Variants in AGBL4 observed in about 807,000 individuals in gnomAD.
AGBL4 encodes the protein cytosolic carboxypeptidase 6.
Under a neutral mutation model 66.4 loss-of-function variants are expected in AGBL4, and 58 were observed. The observed-to-expected ratio is 0.87, with a 90% CI of 0.71 to 1.09. AGBL4 has a LOEUF of 1.09. Among genes scored for constraint, AGBL4 ranks in the 50% least tolerant of loss-of-function variants. AGBL4 has a pLI of 0.00. For missense variants in AGBL4, 579 were observed against 631.0 expected (o/e 0.92, Z 0.88); for synonymous variants, 234 against 222.9 (o/e 1.05, Z -0.44).
chr1:49,979,093 T>G (rs745800862), intron 1 of AGBL4, among the ~76,000 whole-genome samples: 3 of 152,236 alleles, frequency 2.0e-5, no homozygotes, highest in Admixed American at 6.5e-5. Context: ...AAAATATAGG[T>G]AGATACAAGT....
chr1:50,011,331 T>C (rs1298052067), intron 1 of AGBL4, among the ~76,000 whole-genome samples: 1 of 152,124 alleles, frequency 6.6e-6, no homozygotes, highest in Non-Finnish European at 1.5e-5. Context: ...AAAACTACAA[T>C]GATATATCAT....
chr1:49,294,303 G>T (rs1488412850), intron 3 of AGBL4, among the ~76,000 whole-genome samples: 1 of 152,134 alleles, frequency 6.6e-6, no homozygotes, highest in Non-Finnish European at 1.5e-5. Context: ...AAATCCACAT[G>T]GATCCCTCTG....
At chr1:49,204,886 C>T (rs994127519) in intron 4 of AGBL4, among the ~76,000 whole-genome samples, 4 of 152,048 alleles carry the variant, frequency 2.6e-5, no homozygotes, top group Non-Finnish European at 5.9e-5. Context: ...TATATCTGTA[C>T]AGCTTTTCTA....
chr1:49,902,467 G>A lies in AGBL4; in HGVS notation c.35-50949C>T, dbSNP rs572175590. On this transcript the variant is annotated intron_variant, in intron 1 of 13. Transcript: ENST00000371839. ...CTAATCATTAGAGAAATGCAAATCAGGCCGGGTGTGGTGGCTCACGCCTGT... is the reference window on the plus strand; with the variant it reads ...CTAATCATTAGAGAAATGCAAATCAAGCCGGGTGTGGTGGCTCACGCCTGT... Among the ~76,000 whole-genome samples the A allele has an allele frequency of 1.1e-4, 16 of 152,206 alleles. 1 individual carries two copies. In the South Asian group the frequency reaches 3.3e-3, roughly 32 times the overall value.
intron 11 of AGBL4, among the ~76,000 whole-genome samples, chr1:48,540,220 T>C (rs1378372766): frequency 2.0e-5 from 3 of 152,170 alleles, no homozygotes; most frequent in Non-Finnish European, 4.4e-5. Context: ...TCAGGCACAA[T>C]GGTAAAACCC....
rs750966604 is a variant in AGBL4, at chr1:48,590,904, C to T, written c.1033G>A (p.Asp345Asn). ...GCCTGCCTCTGGAACCGTTCCTCAT[C>T]CTCAAAGATGTTGCCATACATGAAG... Reference protein sequence around the residue: ...NGFMYGNIFEDEERFQRQAIF... With the variant: ...NGFMYGNIFENEERFQRQAIF... The change falls in exon 10 of 14, where the codon GAT becomes AAT. Residue 345 changes from aspartate (D) to asparagine (N), a missense_variant. Physicochemically the swap from Asp to Asn is conservative, Grantham distance 23. Coordinates refer to ENST00000371839, the MANE Select transcript of AGBL4 (RefSeq NM_032785.4). 2 of 1,609,460 alleles carry T rather than the reference C, an allele frequency of 1.2e-6. No individual in the cohort carries two copies. The highest frequency in any genetic ancestry group is 3.4e-5 in the Admixed American group (2 of 59,530).
intron 6 of AGBL4, among the ~76,000 whole-genome samples, chr1:48,844,077 G>A (rs1646860883): frequency 6.6e-6 from 1 of 152,154 alleles, no homozygotes; most frequent in Non-Finnish European, 1.5e-5. Context: ...CCCAACACCA[G>A]CCATGCTGGT....
At chr1:48,665,476 A>T (rs547177320) in intron 6 of AGBL4, among the ~76,000 whole-genome samples, 16 of 152,294 alleles carry the variant, frequency 1.1e-4, no homozygotes, top group Admixed American at 9.2e-4. Context: ...TATGTTTTTT[A>T]ATCTTTATCA....
intron 1 of AGBL4, among the ~76,000 whole-genome samples, chr1:50,004,076 C>G (rs1201676797): frequency 2.6e-5 from 4 of 152,190 alleles, no homozygotes; most frequent in Non-Finnish European, 5.9e-5. Context: ...ACTGCTCCCC[C>G]ATCCTCTGGC....
intron 3 of AGBL4, among the ~76,000 whole-genome samples, chr1:49,688,182 T>C (rs1558163363): frequency 1.3e-5 from 2 of 152,196 alleles, no homozygotes; most frequent in South Asian, 2.1e-4. Context: ...TAACTATTAT[T>C]ATACCCACTT....
chr1:48,683,895 A>G (rs1646492011), intron 6 of AGBL4, among the ~76,000 whole-genome samples: 1 of 152,226 alleles, frequency 6.6e-6, no homozygotes, highest in African/African-American at 2.4e-5. Flanking sequence ...AAGACGGCCT[A>G]AGTCATCCTT....
At chr1:49,369,853 G>A (rs1260948016) in intron 3 of AGBL4, among the ~76,000 whole-genome samples, 2 of 151,748 alleles carry the variant, frequency 1.3e-5, no homozygotes. Context: ...CATTTACATT[G>A]GTGAACTTTA....
chr1:49,956,183 A>G (rs1656591123), intron 1 of AGBL4, among the ~76,000 whole-genome samples: 1 of 151,886 alleles, frequency 6.6e-6, no homozygotes, highest in African/African-American at 2.4e-5. Context: ...ATTAGGATGG[A>G]GAGATAAAAT....
chr1:48,958,961 T>A (rs1657727473), intron 5 of AGBL4, among the ~76,000 whole-genome samples: 1 of 152,202 alleles, frequency 6.6e-6, no homozygotes, highest in African/African-American at 2.4e-5. Context: ...TATGTTTGCC[T>A]CTCCTATTAG....
At chr1:49,657,717 A>G (rs1395714553) in intron 3 of AGBL4, among the ~76,000 whole-genome samples, 3 of 152,216 alleles carry the variant, frequency 2.0e-5, no homozygotes, top group East Asian at 3.8e-4. Flanking sequence ...ATCTACAACT[A>G]TCTGATCTTT....
intron 5 of AGBL4, among the ~76,000 whole-genome samples, chr1:49,005,110 C>A (rs1311687580): frequency 6.6e-6 from 1 of 152,124 alleles, no homozygotes; most frequent in Non-Finnish European, 1.5e-5. Context: ...TAAAAACCAA[C>A]CAAGAATATT....
In AGBL4 at chr1:48,804,193, C is replaced by T. The variant is rs151060381; in HGVS notation, c.634+62998G>A. On this transcript the variant is annotated intron_variant, in intron 6 of 13. Transcript: ENST00000371839. ...CCACCCTGCCAACTCATGACCATTC[C>T]TGCAAATTTTCCTGCCTGGTTTATC... 5.0e-4 allele frequency among the ~76,000 whole-genome samples: 76 copies of T among 152,282 alleles called. 1 individual carries two copies. In the South Asian group the frequency reaches 0.01, roughly 20 times the overall value.
chr1:49,975,092 C>T (rs1272571598), intron 1 of AGBL4, among the ~76,000 whole-genome samples: 2 of 152,024 alleles, frequency 1.3e-5, no homozygotes, highest in Non-Finnish European at 2.9e-5. Context: ...TAAATAACTG[C>T]ATAAAACAAA....
rs182158424 is a variant in AGBL4, at chr1:48,676,300, G to A, written c.635-13059C>T. Among the ~76,000 whole-genome samples, 4 of 152,370 alleles carry A rather than the reference G, an allele frequency of 2.6e-5. No homozygotes were observed. In the East Asian group the frequency reaches 7.7e-4, roughly 29 times the overall value. On this transcript the variant is annotated intron_variant, in intron 6 of 13. Transcript: ENST00000371839. ...GAGTGGGGGGTCTGAAGGTCTGAAGGTGCTGGCAGGTGCTGCAAGTGTGAC... is the reference window on the plus strand; with the variant it reads ...GAGTGGGGGGTCTGAAGGTCTGAAGATGCTGGCAGGTGCTGCAAGTGTGAC...
Sources: gnomAD v4.1 joint callset for allele counts (sites outside exome capture counted in the v4.1 genomes callset) on GRCh38, gnomAD v4.1.1 for gene constraint, MANE v1.5 for transcripts, NCBI Gene and HGNC (gene_info 2026-07-23, HGNC 2026-07-21) for gene names.